The following COL23A1 variants were observed in gnomAD, a reference collection of about 807,000 sequenced individuals.
COL23A1 encodes the protein collagen alpha-1(XXIII) chain.
A neutral mutation model predicts 99.3 loss-of-function variants in COL23A1; 97 were observed. That is an observed-to-expected ratio of 0.98 (90% CI 0.83 to 1.16). The LOEUF is 1.16. Ranked by LOEUF, COL23A1 falls within the 50% of genes most tolerant of loss-of-function variation. The pLI, the probability that COL23A1 is intolerant of heterozygous loss-of-function variation, is 0.00. For missense variants in COL23A1, 762 were observed against 757.4 expected, an observed-to-expected ratio of 1.01 and a Z score of -0.07; for synonymous variants, 320 against 308.2, an observed-to-expected ratio of 1.04 and a Z score of -0.40.
rs13436235 is a variant in COL23A1, at chr5:178,257,123, C to T, written c.775-195G>A. On this transcript the variant is annotated intron_variant, in intron 13 of 28. Transcript: ENST00000390654. Reference sequence around the variant, plus strand: ...CCAGGGGACTCAGGACCACGGCCGCCACCTTCTGGTGTGGGCCTTGGCACT... The same window carrying T: ...CCAGGGGACTCAGGACCACGGCCGCTACCTTCTGGTGTGGGCCTTGGCACT... 4.3e-3 allele frequency among the ~76,000 whole-genome samples: 660 copies of T among 152,314 alleles called. 2 individuals carry two copies. Among genetic ancestry groups the T allele is most frequent in the African/African-American group, 0.014 (593 of 41,576 alleles).
chr5:178,314,496 A>G lies in COL23A1; in HGVS notation c.362-7577T>C, dbSNP rs142047933. Among the ~76,000 whole-genome samples, 332 of 152,260 alleles carry G rather than the reference A, an allele frequency of 2.2e-3. 3 individuals are homozygous for G. The highest frequency in any genetic ancestry group is 7.5e-3 in the African/African-American group (312 of 41,534). On this transcript the variant is annotated intron_variant, in intron 2 of 28. Coordinates refer to ENST00000390654, the MANE Select transcript of COL23A1 (RefSeq NM_173465.4). ...ACGGTGCCATTCGGTGGATGAATGA[A>G]TAGGGCCCTGTTAGGAGGGGCTGGG...
intron 5 of COL23A1, among the ~76,000 whole-genome samples, chr5:178,278,026 A>G (rs1422328914): frequency 6.6e-6 from 1 of 152,220 alleles, no homozygotes; most frequent in Admixed American, 6.5e-5. Flanking sequence ...GGAACACACC[A>G]TCAGCTCATT....
intron 2 of COL23A1, among the ~76,000 whole-genome samples, chr5:178,324,087 T>C (rs1759500793): frequency 6.6e-6 from 1 of 152,028 alleles, no homozygotes; most frequent in South Asian, 2.1e-4. Context: ...CACAAGCAGC[T>C]CCTTTCCCTC....
chr5:178,494,158 G>A (rs1758075947), intron 2 of COL23A1, among the ~76,000 whole-genome samples: 2 of 152,114 alleles, frequency 1.3e-5, no homozygotes, highest in African/African-American at 4.8e-5. Flanking sequence ...ATACCCCACA[G>A]TGTCTCACTT....
chr5:178,553,721 C>A (rs1762126942), intron 2 of COL23A1, among the ~76,000 whole-genome samples: 1 of 152,190 alleles, frequency 6.6e-6, no homozygotes, highest in Non-Finnish European at 1.5e-5. Flanking sequence ...CACGGCCACA[C>A]ACTTTCCTTT....
chr5:178,380,421 G>GTGTA (rs1195318565), intron 2 of COL23A1, among the ~76,000 whole-genome samples: 1 of 151,680 alleles, frequency 6.6e-6, no homozygotes, highest in African/African-American at 2.4e-5. Context: ...GTGTGTGTGT[G>GTGTA]TGTATGCTTT....
At chr5:178,344,482 C>G (rs552748807) in intron 2 of COL23A1, among the ~76,000 whole-genome samples, 4 of 152,166 alleles carry the variant, frequency 2.6e-5, no homozygotes, top group Middle Eastern at 3.4e-3. Flanking sequence ...ACTAAAATTA[C>G]AAAAATTAGC....
At chr5:178,269,782 A>G (rs1380209772) in intron 6 of COL23A1, among the ~76,000 whole-genome samples, 1 of 145,482 alleles carries the variant, frequency 6.9e-6, no homozygotes, top group Non-Finnish European at 1.5e-5. Context: ...CCATCCATCC[A>G]TCTATCCAGT....
chr5:178,291,818 AG>A (rs899396954), intron 3 of COL23A1, among the ~76,000 whole-genome samples: 4 of 151,988 alleles, frequency 2.6e-5, no homozygotes, highest in African/African-American at 9.7e-5. Context: ...GCATAGAGGA[AG>A]GAGAGAGATG....
At chr5:178,503,554 T>C (rs917686734) in intron 2 of COL23A1, among the ~76,000 whole-genome samples, 1 of 152,012 alleles carries the variant, frequency 6.6e-6, no homozygotes, top group African/African-American at 2.4e-5. Context: ...CCCTGAAGTA[T>C]TTAGGGGTGA....
chr5:178,360,072 C>A (rs568931687), intron 2 of COL23A1, among the ~76,000 whole-genome samples: 2 of 152,208 alleles, frequency 1.3e-5, no homozygotes, highest in African/African-American at 4.8e-5. Flanking sequence ...AATTCTCTTC[C>A]GTGGTCCCAT....
At chr5:178,278,157 GGA>G (rs1040174928) in intron 5 of COL23A1, among the ~76,000 whole-genome samples, 25 of 152,184 alleles carry the variant, frequency 1.6e-4, no homozygotes, top group African/African-American at 5.8e-4. Flanking sequence ...CAGTCTAGAG[GGA>G]GACAGCGTGA....
intron 27 of COL23A1, among the ~76,000 whole-genome samples, 169 bp from the exon 28 acceptor site, chr5:178,239,348 T>G (rs942128785): frequency 7.9e-5 from 12 of 151,738 alleles, no homozygotes; most frequent in African/African-American, 2.9e-4. Context: ...ACCCAGGTAG[T>G]GGGGTCATGG....
At chr5:178,449,892 C>T (rs1000150563) in intron 2 of COL23A1, among the ~76,000 whole-genome samples, 1 of 152,154 alleles carries the variant, frequency 6.6e-6, no homozygotes, top group African/African-American at 2.4e-5. Context: ...CTTTCACCCA[C>T]GTTGGTCTAG....
In COL23A1 at chr5:178,528,854, G is replaced by A. The variant is rs186063041; in HGVS notation, c.361+31828C>T. Among the ~76,000 whole-genome samples, 101 of 152,298 alleles carry A rather than the reference G, an allele frequency of 6.6e-4. 1 individual carries two copies. Among genetic ancestry groups the A allele is most frequent in the African/African-American group, 2.4e-3 (99 of 41,556 alleles). On this transcript the variant is annotated intron_variant, in intron 2 of 28. Coordinates refer to ENST00000390654, the MANE Select transcript of COL23A1 (RefSeq NM_173465.4). ...ATCCCTCAATGCTTGCACTTCTCCCGAAATGAAGGGAAGAGGTGTTTTGTG... is the reference window on the plus strand; with the variant it reads ...ATCCCTCAATGCTTGCACTTCTCCCAAAATGAAGGGAAGAGGTGTTTTGTG...
At chr5:178,337,550 G>A (rs1276717009) in intron 2 of COL23A1, among the ~76,000 whole-genome samples, 1 of 152,218 alleles carries the variant, frequency 6.6e-6, no homozygotes, top group Non-Finnish European at 1.5e-5. Flanking sequence ...GTGGGGTGCA[G>A]GGTTATGGAG....
At chr5:178,248,377 G>A in intron 19 of COL23A1, 123 bp from the exon 20 acceptor site, 1 of 708,842 alleles carries the variant, frequency 1.4e-6, no homozygotes, top group Non-Finnish European at 2.3e-6. Context: ...GTTAGCTGTT[G>A]CAACTGAAAA....
intron 2 of COL23A1, among the ~76,000 whole-genome samples, chr5:178,397,707 G>A (rs944169958): frequency 1.3e-5 from 2 of 152,192 alleles, no homozygotes; most frequent in Admixed American, 6.5e-5. Context: ...GCAGAATTTC[G>A]GCTGGGTGCA....
intron 25 of COL23A1, among the ~76,000 whole-genome samples, chr5:178,245,711 A>G (rs1009094908): frequency 6.6e-6 from 1 of 152,150 alleles, no homozygotes; most frequent in Non-Finnish European, 1.5e-5. Flanking sequence ...CCATCTACCA[A>G]TGTATCCATC....
Sources: allele counts gnomAD v4.1 joint callset (sites outside exome capture counted in the v4.1 genomes callset), GRCh38; gene constraint gnomAD v4.1.1; transcripts MANE v1.5; gene names NCBI Gene and HGNC (gene_info 2026-07-23, HGNC 2026-07-21).